The following LRBA variants were observed in gnomAD, a reference collection of about 807,000 sequenced individuals.
LRBA encodes the protein LPS responsive beige-like anchor protein.
Under a neutral mutation model 330.0 loss-of-function variants are expected in LRBA, and 176 were observed. The ratio of observed to expected loss-of-function variants is 0.53; its 90% CI spans 0.47 to 0.60. LRBA has a LOEUF of 0.60. LRBA is among the 20% of genes least tolerant of loss of function. The pLI, the probability that LRBA is intolerant of heterozygous loss-of-function variation, is 0.00. For missense variants in LRBA, 3,259 were observed against 3,444.8 expected (o/e 0.95, Z 1.35); for synonymous variants, 1,230 against 1,193.0 (o/e 1.03, Z -0.64).
intron 47 of LRBA, among the ~76,000 whole-genome samples, chr4:150,388,281 G>A (rs1217060386): frequency 3.3e-5 from 5 of 152,178 alleles, no homozygotes; most frequent in Admixed American, 1.3e-4. Flanking sequence ...CAATCACAGG[G>A]GTGTAATTAG....
chr4:150,578,682 T>C (rs962829556), intron 40 of LRBA, among the ~76,000 whole-genome samples: 5 of 152,232 alleles, frequency 3.3e-5, no homozygotes, highest in African/African-American at 9.6e-5. Flanking sequence ...CATATTTTAG[T>C]TTATAGTAAC....
At chr4:150,884,445 A>T (rs1394904376) in intron 17 of LRBA, among the ~76,000 whole-genome samples, 1 of 152,218 alleles carries the variant, frequency 6.6e-6, no homozygotes, top group East Asian at 1.9e-4. Flanking sequence ...AGACTAGATA[A>T]GTAGCCACAA....
At position 150,915,743 on chromosome 4, in the gene LRBA, A is replaced by G; in HGVS notation, c.895-16T>C. 6.4e-7 allele frequency: 1 copy of G among 1,573,796 alleles called. No individual in the cohort carries two copies. On this transcript the variant is annotated splice_polypyrimidine_tract_variant and intron_variant, in intron 7 of 56. Transcript: ENST00000651943. Reference sequence around the variant, plus strand: ...CCATATACCACTGCAGAAGCAAAAAACAGTTAAAAATACAAAGATAACAAT... The same window carrying G: ...CCATATACCACTGCAGAAGCAAAAAGCAGTTAAAAATACAAAGATAACAAT...
chr4:150,324,258 A>T (rs1330172078), intron 49 of LRBA, among the ~76,000 whole-genome samples: 1 of 152,218 alleles, frequency 6.6e-6, no homozygotes, highest in Non-Finnish European at 1.5e-5. Flanking sequence ...GCACCAATGC[A>T]GCCTGAGTCT....
intron 53 of LRBA, among the ~76,000 whole-genome samples, chr4:150,301,207 T>C (rs560607012): frequency 7.0e-4 from 107 of 152,192 alleles, no homozygotes; most frequent in African/African-American, 2.5e-3. Context: ...GTGTTCATGA[T>C]GAAAAGAACA....
chr4:150,718,840 T>A (rs1330271662), intron 36 of LRBA, among the ~76,000 whole-genome samples: 2 of 152,068 alleles, frequency 1.3e-5, no homozygotes, highest in Non-Finnish European at 2.9e-5. Context: ...GAGGATTAGA[T>A]CCTATTCACA....
chr4:150,505,211 G>A (rs1760887011), intron 40 of LRBA, among the ~76,000 whole-genome samples: 1 of 152,134 alleles, frequency 6.6e-6, no homozygotes, highest in Non-Finnish European at 1.5e-5. Flanking sequence ...ACTGAACTCA[G>A]CTCTGCACCA....
chr4:150,645,315 T>C (rs1779024176), intron 37 of LRBA, among the ~76,000 whole-genome samples: 1 of 151,686 alleles, frequency 6.6e-6, no homozygotes, highest in Admixed American at 6.6e-5. Flanking sequence ...CCATCTAAAT[T>C]ACAAGGCAAA....
chr4:150,275,618 G>A (rs964774492), intron 56 of LRBA, among the ~76,000 whole-genome samples: 15 of 152,270 alleles, frequency 9.9e-5, no homozygotes, highest in African/African-American at 3.4e-4. Flanking sequence ...AAAATCACAA[G>A]CATTCCTATA....
chr4:150,789,079 A>AT (rs1553962238), intron 34 of LRBA, among the ~76,000 whole-genome samples: 1 of 151,676 alleles, frequency 6.6e-6, no homozygotes, highest in Non-Finnish European at 1.5e-5. Flanking sequence ...GTCTCAAAAA[A>AT]ATATATATAT....
At position 150,481,738 on chromosome 4, in the gene LRBA, T is replaced by C. The variant is rs78668997; in HGVS notation, c.6551+5994A>G. On this transcript the variant is annotated intron_variant, in intron 42 of 56. Coordinates refer to ENST00000651943, the MANE Select transcript of LRBA (RefSeq NM_001364905.1). Reference sequence around the variant, plus strand: ...ACACTTTTGAAATTCATCCATGTTGTTGCATGTACCAGTAGTCATTTCCCT... The same window carrying C: ...ACACTTTTGAAATTCATCCATGTTGCTGCATGTACCAGTAGTCATTTCCCT... Among the ~76,000 whole-genome samples the C allele has an allele frequency of 4.2e-3, 643 of 152,264 alleles. 3 individuals are homozygous for C. Among genetic ancestry groups the C allele is most frequent in the African/African-American group, 0.015 (622 of 41,568 alleles).
intron 28 of LRBA, among the ~76,000 whole-genome samples, chr4:150,833,095 T>C (rs566282571): frequency 3.3e-5 from 5 of 151,936 alleles, no homozygotes; most frequent in African/African-American, 4.8e-5. Flanking sequence ...TTCTTGAGAG[T>C]ATTTAAAATA....
chr4:150,753,577 G>A (rs1733852069), intron 35 of LRBA, among the ~76,000 whole-genome samples: 1 of 152,022 alleles, frequency 6.6e-6, no homozygotes, highest in African/African-American at 2.4e-5. Flanking sequence ...ATATTCTACA[G>A]GCACGCTATA....
At chr4:150,532,443 A>G (rs1201150985) in intron 40 of LRBA, among the ~76,000 whole-genome samples, 2 of 152,148 alleles carry the variant, frequency 1.3e-5, no homozygotes, top group Admixed American at 1.3e-4. Flanking sequence ...ATACTAAAAC[A>G]TTAACTCATT....
At chr4:150,973,148 CTGTTTGTTTGTT>C (rs3033033) in intron 2 of LRBA, among the ~76,000 whole-genome samples, 52 of 149,582 alleles carry the variant, frequency 3.5e-4, no homozygotes, top group Admixed American at 9.3e-4. Context: ...TTTTGTCTGT[CTGTTTGTTTGTT>C]TGTTTGTTTG....
intron 37 of LRBA, among the ~76,000 whole-genome samples, chr4:150,611,004 G>C (rs1357336574): frequency 6.6e-6 from 1 of 152,092 alleles, no homozygotes; most frequent in South Asian, 2.1e-4. Flanking sequence ...TAAAAGAATG[G>C]AAGATTATAC....
intron 31 of LRBA, among the ~76,000 whole-genome samples, chr4:150,815,972 C>A (rs147718570): frequency 6.6e-6 from 1 of 151,710 alleles, no homozygotes; most frequent in Non-Finnish European, 1.5e-5. Context: ...TTTTTGTTAA[C>A]ACAAGCACAA....
At chr4:150,740,384 T>C (rs995199180) in intron 35 of LRBA, among the ~76,000 whole-genome samples, 1 of 151,990 alleles carries the variant, frequency 6.6e-6, no homozygotes, top group Non-Finnish European at 1.5e-5. Flanking sequence ...CTTTAGAAGA[T>C]AAAGTTAACA....
intron 50 of LRBA, among the ~76,000 whole-genome samples, chr4:150,318,178 G>C (rs1341903951): frequency 2.0e-5 from 3 of 152,136 alleles, no homozygotes; most frequent in African/African-American, 7.2e-5. Flanking sequence ...GGAAAGTTGG[G>C]ACCTGGATTC....
Sources: allele counts gnomAD v4.1 joint callset (sites outside exome capture counted in the v4.1 genomes callset), GRCh38; gene constraint gnomAD v4.1.1; transcripts MANE v1.5; gene names NCBI Gene and HGNC (gene_info 2026-07-23, HGNC 2026-07-21).